PGR: variants seen among roughly 807,000 people sequenced by gnomAD.
The protein encoded by PGR is progesterone receptor, also known as nuclear receptor subfamily 3 group C member 3.
PGR carries 25 observed loss-of-function variants against 76.1 expected under a neutral mutation model. That is an observed-to-expected ratio of 0.33 (90% CI 0.24 to 0.46). PGR has a LOEUF of 0.46. Among genes scored for constraint, PGR ranks in the 20% least tolerant of loss-of-function variants. The probability of loss-of-function intolerance (pLI) is 1.00; values close to 1 mark genes in which losing one functional copy is unlikely to be tolerated. For synonymous variants in PGR, 579 were observed against 535.0 expected (o/e 1.08, Z -1.14); for missense variants, 1,172 against 1,225.3 (o/e 0.96, Z 0.65).
intron 4 of PGR, among the ~76,000 whole-genome samples, chr11:101,052,521 T>C (rs1165516980): frequency 1.3e-5 from 2 of 152,010 alleles, no homozygotes; most frequent in Non-Finnish European, 2.9e-5. Flanking sequence ...CAAAGATGTG[T>C]TTAGAGATGT....
intron 2 of PGR, among the ~76,000 whole-genome samples, chr11:101,109,100 A>G (rs1862266384): frequency 6.6e-6 from 1 of 152,234 alleles, no homozygotes; most frequent in African/African-American, 2.4e-5. Flanking sequence ...GTGTGTGTTC[A>G]GACTGCTCCA....
chr11:101,039,738 G>A (rs511298), intron 7 of PGR, among the ~76,000 whole-genome samples: 40,374 of 151,736 alleles, frequency 0.27, 5,597 homozygotes, highest in African/African-American at 0.34. Flanking sequence ...GTATAATGTT[G>A]AAAGTCAAGT....
chr11:101,069,362 A>C (rs1387725890), intron 3 of PGR, among the ~76,000 whole-genome samples: 1 of 152,220 alleles, frequency 6.6e-6, no homozygotes, highest in Non-Finnish European at 1.5e-5. Context: ...AGGAAACAAC[A>C]GATGCTGGAG....
chr11:101,118,049 T>C (rs1257428005), intron 2 of PGR, among the ~76,000 whole-genome samples: 1 of 152,168 alleles, frequency 6.6e-6, no homozygotes, highest in Non-Finnish European at 1.5e-5. Flanking sequence ...AAACACTAAA[T>C]TTGCAGTGTT....
At chr11:101,100,470 G>C (rs964841333) in intron 2 of PGR, among the ~76,000 whole-genome samples, 1 of 152,078 alleles carries the variant, frequency 6.6e-6, no homozygotes, top group African/African-American at 2.4e-5. Flanking sequence ...GACTAATACG[G>C]TTAGTGGAAT....
intron 2 of PGR, 61 bp downstream of exon 2, chr11:101,125,946 T>C (rs1862827535): frequency 7.3e-7 from 1 of 1,362,110 alleles, no homozygotes; most frequent in African/African-American, 1.4e-5. Context: ...ATCTATACAA[T>C]ATTAGATGGT....
chr11:101,100,767 T>A lies in PGR; in HGVS notation c.1790-8891A>T, dbSNP rs57379103. On this transcript the variant is annotated intron_variant, in intron 2 of 7. Coordinates refer to ENST00000325455, the MANE Select transcript of PGR (RefSeq NM_000926.4). ...CATTTCACAATATCTGGAGACAATTTTGGTTTATGCAACTAGAGGGTAGGT... is the reference window on the plus strand; with the variant it reads ...CATTTCACAATATCTGGAGACAATTATGGTTTATGCAACTAGAGGGTAGGT... Among the ~76,000 whole-genome samples the A allele has an allele frequency of 9.9e-5, 15 of 152,190 alleles. 2 individuals are homozygous for A. In the East Asian group the frequency reaches 2.9e-3, roughly 29 times the overall value.
Position 101,037,741 on chromosome 11 carries a change from A to T in PGR, c.*1375T>A, listed in dbSNP as rs1486385067. 4 of 226,588 alleles carry T rather than the reference A, an allele frequency of 1.8e-5. No individual in the cohort carries two copies. The highest frequency in any genetic ancestry group is 8.9e-5 in the African/African-American group (4 of 45,000). The allele number at this position is 226,588 out of a possible 1,614,324, so 14.0% of individuals were successfully genotyped here. ...GATGGAGATAAAGCATGGGAGAAGAAAGTGATAAAGTCATGGGTACAGAAA... is the reference window on the plus strand; with the variant it reads ...GATGGAGATAAAGCATGGGAGAAGATAGTGATAAAGTCATGGGTACAGAAA... On this transcript the variant is annotated 3_prime_UTR_variant, in exon 8 of 8. Transcript: ENST00000325455.
At chr11:101,050,240 C>T (rs1860040202) in intron 5 of PGR, among the ~76,000 whole-genome samples, 181 bp from the exon 6 acceptor site, 1 of 152,078 alleles carries the variant, frequency 6.6e-6, no homozygotes, top group Non-Finnish European at 1.5e-5. Context: ...CTAAACTTTT[C>T]ACAATACTGA....
chr11:101,124,085 T>C (rs1299803099), intron 2 of PGR, among the ~76,000 whole-genome samples: 2 of 152,210 alleles, frequency 1.3e-5, no homozygotes, highest in Non-Finnish European at 2.9e-5. Flanking sequence ...CTAATGTAGT[T>C]CATAATCTTG....
In PGR at chr11:101,127,715, G is replaced by A. The variant is rs369183362; in HGVS notation, c.1356C>T (p.Ser452=). 3.5e-4 allele frequency: 547 copies of A among 1,585,226 alleles called. 2 individuals are homozygous for A. In the African/African-American group the frequency reaches 6.5e-3, roughly 19 times the overall value. Residue 452 remains serine, a synonymous_variant, in exon 1 of 8, where the codon TCC becomes TCT. Transcript: ENST00000325455. ...APASASVSSA[S]SSGSTLECIL... ...TGCACTCCAGGGTCGACCCCGAGGA[G>A]GACGCAGACGAGACTGAGGCACTGG...
intron 2 of PGR, among the ~76,000 whole-genome samples, chr11:101,107,024 G>C (rs1201202413): frequency 6.6e-6 from 1 of 152,128 alleles, no homozygotes; most frequent in East Asian, 1.9e-4. Context: ...AGAACACATG[G>C]ACTTAGGGAG....
chr11:101,102,419 T>G (rs1424420555), intron 2 of PGR, among the ~76,000 whole-genome samples: 1 of 152,218 alleles, frequency 6.6e-6, no homozygotes, highest in Non-Finnish European at 1.5e-5. Context: ...CGCTGTACTA[T>G]TCCTTAAAGT....
intron 3 of PGR, among the ~76,000 whole-genome samples, chr11:101,084,931 G>A (rs1030889184): frequency 2.6e-5 from 4 of 152,046 alleles, no homozygotes; most frequent in Admixed American, 6.5e-5. Context: ...AAATACATAC[G>A]CCCTCAACAC....
At chr11:101,107,358 C>A (rs1437604680) in intron 2 of PGR, among the ~76,000 whole-genome samples, 1 of 152,108 alleles carries the variant, frequency 6.6e-6, no homozygotes, top group Non-Finnish European at 1.5e-5. Flanking sequence ...ATAAAAAAAT[C>A]TCTCTGGAAC....
In PGR at chr11:101,038,769, A is replaced by AT. The variant is rs746698116; in HGVS notation, c.*346dup. ...ATAGCTTTGTGTTATTACATGTAAG[A>AT]TTTTTTCTCTTAAGTCGATGATTTG... On this transcript the variant is annotated 3_prime_UTR_variant, in exon 8 of 8. Coordinates refer to ENST00000325455, the MANE Select transcript of PGR (RefSeq NM_000926.4). The AT allele has an allele frequency of 3.9e-6, 1 of 255,966 alleles. No homozygotes were observed. Among genetic ancestry groups the AT allele is most frequent in the Non-Finnish European group, 7.6e-6 (1 of 132,028 alleles). The allele number at this position is 255,966 out of a possible 1,614,324, so 15.9% of individuals were successfully genotyped here.
chr11:101,060,911 G>A lies in PGR; in HGVS notation c.2212+1536C>T, dbSNP rs546632251. Among the ~76,000 whole-genome samples the A allele has an allele frequency of 1.9e-4, 29 of 152,080 alleles. No individual in the cohort carries two copies. The South Asian group carries it at 3.9e-3, about 21-fold the overall frequency. ...AAAGTCCTGATAGATAACGGTTTCC[G>A]GTTAAAAAGGTCACTTAGCTTTTAT... On this transcript the variant is annotated intron_variant, in intron 4 of 7. Coordinates refer to ENST00000325455, the MANE Select transcript of PGR (RefSeq NM_000926.4).
intron 5 of PGR, 56 bp from the exon 6 acceptor site, chr11:101,050,115 C>T: frequency 6.3e-7 from 1 of 1,582,462 alleles, no homozygotes; most frequent in Non-Finnish European, 8.6e-7. Context: ...AATAGTGTCT[C>T]AGCCAGTTTA....
At position 101,128,548 on chromosome 11, in the gene PGR, T is replaced by A; in HGVS notation, c.523A>T (p.Ser175Cys). 6.3e-7 allele frequency: 1 copy of A among 1,599,862 alleles called. No homozygotes were observed. The highest frequency in any genetic ancestry group is 8.5e-7 in the Non-Finnish European group (1 of 1,176,296). The change falls in exon 1 of 8, where the codon AGC (serine) becomes TGC (cysteine). Residue 175 changes from serine (S) to cysteine (C), a missense_variant. By Grantham distance (112) the Ser-to-Cys change is moderately radical. This residue lies in a region of PGR where 893 missense variants were observed against 785.9 expected (regional missense o/e 1.14). Transcript: ENST00000325455. ...MSRSGCKVGD[S>C]SGTAAAHKVL... is the part of the protein sequence containing the mutation. The stretch of plus-strand genomic sequence containing the variant: ...TTATGGGCAGCTGCCGTCCCGGAGC[T>A]GTCTCCAACCTTGCACCCGGACCGG...
Sources: allele counts gnomAD v4.1 joint callset (sites outside exome capture counted in the v4.1 genomes callset), GRCh38; gene constraint gnomAD v4.1.1; regional missense constraint gnomAD v4.1.1; transcripts MANE v1.5; gene names NCBI Gene and HGNC (gene_info 2026-07-23, HGNC 2026-07-21).